Variants in MVB12B observed in about 807,000 individuals in gnomAD.
MVB12B encodes ESCRT-I complex subunit MVB12B.
MVB12B carries 16 observed loss-of-function variants against 41.6 expected under a neutral mutation model. The observed-to-expected ratio is 0.38, with a 90% CI of 0.26 to 0.58. The LOEUF is 0.58. Ranked by LOEUF, MVB12B falls within the 20% of genes least tolerant of loss-of-function variation. The pLI, the probability that MVB12B is intolerant of heterozygous loss-of-function variation, is 0.62. For missense variants in MVB12B, 274 were observed against 380.2 expected, an observed-to-expected ratio of 0.72 and a Z score of 2.32; for synonymous variants, 133 against 139.7, an observed-to-expected ratio of 0.95 and a Z score of 0.34.
intron 2 of MVB12B, among the ~76,000 whole-genome samples, chr9:126,378,630 G>C (rs867654613): frequency 3.8e-4 from 56 of 147,396 alleles, no homozygotes; most frequent in Middle Eastern, 3.6e-3. Flanking sequence ...TCTCTTCTCT[G>C]TCTCTCTCTC....
rs374416194 is a variant in MVB12B, at chr9:126,367,650, A to G, written c.205-13414A>G. Among the ~76,000 whole-genome samples, 9 of 152,240 alleles carry G rather than the reference A, an allele frequency of 5.9e-5. No homozygotes were observed. Among genetic ancestry groups the G allele is most frequent in the African/African-American group, 2.2e-4 (9 of 41,540 alleles). On this transcript the variant is annotated intron_variant, in intron 2 of 9. Transcript: ENST00000361171. The surrounding 1 kb of genome is among the most constrained non-coding windows in gnomAD (Gnocchi z 4.3). The stretch of plus-strand genomic sequence containing the variant: ...CAGCACGGAGGTGATTCTGTCTTAC[A>G]CTTCTGATGACACCAAATATCCATA...
intron 9 of MVB12B, among the ~76,000 whole-genome samples, chr9:126,493,314 G>A (rs975902511): frequency 1.3e-5 from 2 of 152,060 alleles, no homozygotes; most frequent in Non-Finnish European, 2.9e-5. Flanking sequence ...TAATGTTGGC[G>A]ATCTTTCTTT....
chr9:126,400,832 G>A lies in MVB12B; in HGVS notation c.662+5135G>A, dbSNP rs997372841. 2.6e-5 allele frequency among the ~76,000 whole-genome samples: 4 copies of A among 152,206 alleles called. No homozygotes were observed. In the South Asian group the frequency reaches 6.2e-4, roughly 24 times the overall value. ...GTCCGGGGCCCTCCCTTGGTGATGC[G>A]GACACCGTGTCTCCGTCCAGGGTAG... On this transcript the variant is annotated intron_variant, in intron 6 of 9. Coordinates refer to ENST00000361171, the MANE Select transcript of MVB12B (RefSeq NM_033446.3).
intron 7 of MVB12B, among the ~76,000 whole-genome samples, chr9:126,435,557 A>G (rs145364585): frequency 2.7e-5 from 4 of 149,924 alleles, no homozygotes; most frequent in Admixed American, 6.6e-5. Context: ...TCGGCACTCA[A>G]CCCTTTAAAT....
chr9:126,390,824 T>C (rs1588132992), intron 4 of MVB12B, among the ~76,000 whole-genome samples: 1 of 151,532 alleles, frequency 6.6e-6, no homozygotes, highest in East Asian at 1.9e-4. Flanking sequence ...CCAGGCATGG[T>C]AACACGCATC....
At chr9:126,434,238 T>A (rs1832408895) in intron 7 of MVB12B, among the ~76,000 whole-genome samples, 1 of 142,114 alleles carries the variant, frequency 7.0e-6, no homozygotes. Context: ...CTAAATGCAT[T>A]TATGTTTAAA....
At chr9:126,371,453 C>T (rs945579458) in intron 2 of MVB12B, among the ~76,000 whole-genome samples, 2 of 152,254 alleles carry the variant, frequency 1.3e-5, no homozygotes, top group African/African-American at 4.8e-5. Flanking sequence ...GGTGCAGAGC[C>T]AGGGCTCCTA....
At position 126,376,358 on chromosome 9, in the gene MVB12B, G is replaced by C. The variant is rs1331679572; in HGVS notation, c.205-4706G>C. On this transcript the variant is annotated intron_variant, in intron 2 of 9. Coordinates refer to ENST00000361171, the MANE Select transcript of MVB12B (RefSeq NM_033446.3). This position sits in a 1 kb window ranked among gnomAD's most constrained non-coding sequence, Gnocchi z 4.1. Reference sequence around the variant, plus strand: ...CCCCTATTCTCTTTGCTACCTTCAAGCTCCCTTTTTTCTATTTTGGGCCCT... The same window carrying C: ...CCCCTATTCTCTTTGCTACCTTCAACCTCCCTTTTTTCTATTTTGGGCCCT... The C allele has an allele frequency of 4.3e-6, 2 of 463,678 alleles. No individual in the cohort carries two copies. Among genetic ancestry groups the C allele is most frequent in the Non-Finnish European group, 7.9e-6 (2 of 252,652 alleles). The allele number at this position is 463,678 out of a possible 1,614,324, so 28.7% of individuals were successfully genotyped here. A position where few individuals can be genotyped will look rare whatever the true frequency, so the allele number is the denominator to read the frequency against.
chr9:126,424,047 A>C (rs1050788763), intron 7 of MVB12B, among the ~76,000 whole-genome samples: 3 of 152,218 alleles, frequency 2.0e-5, no homozygotes, highest in African/African-American at 7.2e-5. Flanking sequence ...TGCAGACTTC[A>C]GGAGCTGAGC....
chr9:126,451,997 C>T (rs900319527), intron 7 of MVB12B, among the ~76,000 whole-genome samples: 2 of 152,172 alleles, frequency 1.3e-5, no homozygotes, highest in Non-Finnish European at 2.9e-5. Context: ...TTCCTTAGCC[C>T]CGCTCACCAG....
rs556486916 is a variant in MVB12B at position 126,501,257 on chromosome 9, C to T, written c.874-1920C>T. ...AGTGATCGCTTGCTCAGTGCTAGGG[C>T]GCGGCGGGCCCTGATCTACCATCGC... is the stretch of plus-strand genomic sequence containing the variant. On this transcript the variant is annotated intron_variant, in intron 9 of 9. Coordinates refer to ENST00000361171, the MANE Select transcript of MVB12B (RefSeq NM_033446.3). Among the ~76,000 whole-genome samples the T allele has an allele frequency of 1.5e-3, 222 of 152,324 alleles. 1 individual carries two copies. Among genetic ancestry groups the T allele is most frequent in the Non-Finnish European group, 2.5e-3 (168 of 68,014 alleles).
chr9:126,360,189 T>C (rs1446197531), intron 2 of MVB12B, among the ~76,000 whole-genome samples: 1 of 152,218 alleles, frequency 6.6e-6, no homozygotes, highest in Non-Finnish European at 1.5e-5. Flanking sequence ...CCATAAATTA[T>C]TTAGATGTGT....
intron 6 of MVB12B, among the ~76,000 whole-genome samples, chr9:126,417,748 C>A (rs1470758012): frequency 6.6e-6 from 1 of 152,200 alleles, no homozygotes; most frequent in Non-Finnish European, 1.5e-5. Flanking sequence ...AGGTTTATAT[C>A]AGATGACCAA....
chr9:126,497,661 T>C (rs1833866880), intron 9 of MVB12B, among the ~76,000 whole-genome samples: 1 of 152,150 alleles, frequency 6.6e-6, no homozygotes, highest in African/African-American at 2.4e-5. Flanking sequence ...CATCCTGGCT[T>C]CTCCCTACCC....
Position 126,412,685 on chromosome 9 carries a change from G to T in MVB12B, c.663-9169G>T, listed in dbSNP as rs1831686201. 2.0e-5 allele frequency among the ~76,000 whole-genome samples: 3 copies of T among 152,118 alleles called. No homozygotes were observed. In the South Asian group the frequency reaches 6.2e-4, roughly 32 times the overall value. On this transcript the variant is annotated intron_variant, in intron 6 of 9. Transcript: ENST00000361171. The stretch of plus-strand genomic sequence containing the variant: ...GAGAATCCACACTCCCATCTTAGAG[G>T]CTTCTGTCGTCAATACCGTGAGCCT...
At chr9:126,455,292 A>G (rs1410352568) in intron 7 of MVB12B, among the ~76,000 whole-genome samples, 1 of 151,464 alleles carries the variant, frequency 6.6e-6, no homozygotes, top group Non-Finnish European at 1.5e-5. Flanking sequence ...GGTTCAAGTG[A>G]TTCTCCTGCC....
chr9:126,451,765 A>G lies in MVB12B; in HGVS notation c.758-29604A>G, dbSNP rs564092511. Among the ~76,000 whole-genome samples the G allele has an allele frequency of 2.0e-5, 3 of 152,184 alleles. No homozygotes were observed. In the East Asian group the frequency reaches 5.8e-4, roughly 29 times the overall value. ...GACTCATGTCATCTGGAGGGGGTTT[A>G]TTTATCTTTCTGATTTAGCTTTAAA... On this transcript the variant is annotated intron_variant, in intron 7 of 9. Coordinates refer to ENST00000361171, the MANE Select transcript of MVB12B (RefSeq NM_033446.3).
chr9:126,335,505 A>AAGGGACTGCCT, intron 1 of MVB12B: 2 of 821,294 alleles, frequency 2.4e-6, no homozygotes, highest in Non-Finnish European at 3.6e-6. Flanking sequence ...GGGGACAGGC[A>AAGGGACTGCCT]GTCCCTTGCC....
chr9:126,429,773 G>A (rs1464416918), intron 7 of MVB12B, among the ~76,000 whole-genome samples: 6 of 152,176 alleles, frequency 3.9e-5, no homozygotes, highest in Non-Finnish European at 4.4e-5. Context: ...AATGAACAGC[G>A]TGTGCAGGCA....
Sources: allele counts gnomAD v4.1 joint callset (sites outside exome capture counted in the v4.1 genomes callset), GRCh38; gene constraint gnomAD v4.1.1; non-coding constraint Gnocchi (gnomAD v3.1); transcripts MANE v1.5; gene names NCBI Gene and HGNC (gene_info 2026-07-23, HGNC 2026-07-21).